UNC13C: variants seen among roughly 807,000 people sequenced by gnomAD.
UNC13C encodes unc-13 homolog C.
A neutral mutation model predicts 245.4 loss-of-function variants in UNC13C; 174 were observed. That is an observed-to-expected ratio of 0.71 (90% CI 0.63 to 0.80). UNC13C has a LOEUF of 0.80. Among genes scored for constraint, UNC13C ranks in the 30% least tolerant of loss-of-function variants. UNC13C has a pLI of 0.00. For missense variants in UNC13C, 2,829 were observed against 2,602.9 expected (o/e 1.09, Z -1.89); for synonymous variants, 992 against 895.1 (o/e 1.11, Z -1.93).
intron 18 of UNC13C, among the ~76,000 whole-genome samples, chr15:54,393,970 G>A (rs1023876102): frequency 1.3e-5 from 2 of 151,880 alleles, no homozygotes; most frequent in African/African-American, 4.8e-5. Context: ...GGTTAATGAA[G>A]AGGATTGTCT....
At chr15:53,899,322 C>G in the UNC13C span, among the ~76,000 whole-genome samples, 1 of 152,226 alleles carries the variant, frequency 6.6e-6, no homozygotes, top group African/African-American at 2.4e-5. Context: ...TGTTGACTCT[C>G]TGAATAAATC....
chr15:54,394,960 A>T (rs2040039622), intron 18 of UNC13C, among the ~76,000 whole-genome samples: 1 of 151,888 alleles, frequency 6.6e-6, no homozygotes, highest in Non-Finnish European at 1.5e-5. Context: ...ACCAAGTATA[A>T]AAATTAGCAA....
chr15:53,845,445 A>G, the UNC13C span, among the ~76,000 whole-genome samples: 2 of 152,192 alleles, frequency 1.3e-5, no homozygotes, highest in Non-Finnish European at 2.9e-5. Flanking sequence ...TGTGAAGCAG[A>G]GCTGGAAGAC....
intron 1 of UNC13C, among the ~76,000 whole-genome samples, chr15:54,006,353 G>C (rs1895136023): frequency 6.6e-6 from 1 of 152,120 alleles, no homozygotes; most frequent in Admixed American, 6.5e-5. Flanking sequence ...TTTCATTCTT[G>C]GGAGAAAGGG....
the UNC13C span, among the ~76,000 whole-genome samples, chr15:53,879,165 A>G: frequency 1.8e-4 from 28 of 152,032 alleles, no homozygotes; most frequent in Non-Finnish European, 4.4e-5. Context: ...TCATTCATTG[A>G]TTCATTTATT....
chr15:53,940,176 G>T, the UNC13C span, among the ~76,000 whole-genome samples: 26 of 152,250 alleles, frequency 1.7e-4, no homozygotes, highest in African/African-American at 5.8e-4. Flanking sequence ...ATGTAAAAAG[G>T]TTTGGGGGAA....
At chr15:53,862,384 G>A in the UNC13C span, among the ~76,000 whole-genome samples, 42 of 152,156 alleles carry the variant, frequency 2.8e-4, no homozygotes, top group South Asian at 7.5e-3. Flanking sequence ...GTGGGAGTGC[G>A]GCCATAAGCA....
the UNC13C span, among the ~76,000 whole-genome samples, chr15:53,880,092 A>G: frequency 6.6e-6 from 1 of 152,084 alleles, no homozygotes; most frequent in African/African-American, 2.4e-5. Context: ...GGCCACTATC[A>G]TGTCCATTTT....
At chr15:54,090,876 T>A (rs897082969) in intron 2 of UNC13C, among the ~76,000 whole-genome samples, 7 of 152,128 alleles carry the variant, frequency 4.6e-5, no homozygotes, top group Non-Finnish European at 8.8e-5. Flanking sequence ...TGACTGAGAA[T>A]GTGTGGTGTA....
Position 54,300,197 on chromosome 15 carries a change from C to G in UNC13C, c.4105-13C>G. The G allele has an allele frequency of 1.3e-6, 2 of 1,590,722 alleles. No homozygotes were observed. The highest frequency in any genetic ancestry group is 2.3e-5 in the East Asian group (1 of 44,244). ...GAGGAATCACTGAACAATTAAAAAC[C>G]ACTTGCTTTTAGAATCTGTTCCATT... On this transcript the variant is annotated splice_polypyrimidine_tract_variant and intron_variant, in intron 12 of 32. Coordinates refer to ENST00000260323, the MANE Select transcript of UNC13C (RefSeq NM_001080534.3).
At chr15:54,010,338 A>G (rs1895326702) in intron 1 of UNC13C, among the ~76,000 whole-genome samples, 1 of 152,216 alleles carries the variant, frequency 6.6e-6, no homozygotes, top group Non-Finnish European at 1.5e-5. Flanking sequence ...GTAAATAATT[A>G]TGGTATTTTG....
intron 29 of UNC13C, among the ~76,000 whole-genome samples, chr15:54,557,775 A>G (rs559169191): frequency 3.3e-5 from 5 of 152,178 alleles, no homozygotes; most frequent in African/African-American, 1.2e-4. Context: ...AGTTTTTAGA[A>G]TATAGGCTGA....
At chr15:54,268,908 A>G (rs984030728) in intron 10 of UNC13C, among the ~76,000 whole-genome samples, 1 of 152,022 alleles carries the variant, frequency 6.6e-6, no homozygotes, top group African/African-American at 2.4e-5. Flanking sequence ...AGATTGTTGA[A>G]ATCTTCCTTC....
chr15:54,446,898 G>T (rs920792019), intron 19 of UNC13C, among the ~76,000 whole-genome samples: 1 of 152,146 alleles, frequency 6.6e-6, no homozygotes, highest in Non-Finnish European at 1.5e-5. Flanking sequence ...TCCAGTTTTT[G>T]CCCATTCAGT....
Position 54,388,102 on chromosome 15 carries a change from C to T in UNC13C, c.4714-4946C>T, listed in dbSNP as rs535247909. ...ATTCCCATTCCCATGAGCTGAATGA[C>T]GAAACACAAATATCCTACTGACCTC... On this transcript the variant is annotated intron_variant, in intron 17 of 32. Coordinates refer to ENST00000260323, the MANE Select transcript of UNC13C (RefSeq NM_001080534.3). 5.3e-5 allele frequency among the ~76,000 whole-genome samples: 8 copies of T among 152,222 alleles called. No homozygotes were observed. The East Asian group carries it at 7.7e-4, about 15-fold the overall frequency.
intron 2 of UNC13C, among the ~76,000 whole-genome samples, chr15:54,138,265 C>A (rs1188881496): frequency 6.6e-6 from 1 of 151,924 alleles, no homozygotes; most frequent in Non-Finnish European, 1.5e-5. Context: ...TATTCTGTTG[C>A]TGTTGGGTAG....
At chr15:54,247,477 A>G (rs919243200) in intron 7 of UNC13C, among the ~76,000 whole-genome samples, 1 of 152,212 alleles carries the variant, frequency 6.6e-6, no homozygotes, top group African/African-American at 2.4e-5. Context: ...TTCCTAAACT[A>G]TCAACTCAAC....
At chr15:54,477,562 A>G (rs994132603) in intron 19 of UNC13C, among the ~76,000 whole-genome samples, 8 of 113,248 alleles carry the variant, frequency 7.1e-5, no homozygotes, top group Admixed American at 3.5e-4. Flanking sequence ...ATCTATTGAG[A>G]TAATCATGTG....
intron 2 of UNC13C, among the ~76,000 whole-genome samples, chr15:54,135,683 T>C (rs913570998): frequency 3.3e-5 from 5 of 152,230 alleles, no homozygotes; most frequent in African/African-American, 1.2e-4. Flanking sequence ...GCTGGTACCA[T>C]ATTGTTTCAA....
Sources: allele counts gnomAD v4.1 joint callset (sites outside exome capture counted in the v4.1 genomes callset), GRCh38; gene constraint gnomAD v4.1.1; transcripts MANE v1.5; gene names NCBI Gene and HGNC (gene_info 2026-07-23, HGNC 2026-07-21).